TENM2: variants seen among roughly 807,000 people sequenced by gnomAD.
TENM2 encodes teneurin-2.
In TENM2, 52 loss-of-function variants were observed where a neutral mutation model predicts 245.2. That is an observed-to-expected ratio of 0.21 (90% CI 0.17 to 0.27). The LOEUF (loss-of-function observed/expected upper bound fraction) is 0.27, where lower values mean the gene tolerates loss of function less well. TENM2 is among the 10% of genes least tolerant of loss of function. TENM2 has a pLI of 1.00. For missense variants in TENM2, 3,046 were observed against 3,666.8 expected, an observed-to-expected ratio of 0.83 and a Z score of 4.37; for synonymous variants, 1,363 against 1,438.9, an observed-to-expected ratio of 0.95 and a Z score of 1.19.
At chr5:168,013,545 A>G (rs1409250373) in intron 5 of TENM2, among the ~76,000 whole-genome samples, 1 of 152,214 alleles carries the variant, frequency 6.6e-6, no homozygotes, top group Non-Finnish European at 1.5e-5. Flanking sequence ...CAGAGACTGC[A>G]GTGAGCCGAG....
rs879494722 is a variant in TENM2 at position 168,238,304 on chromosome 5, A to AAAAGAAAAGAAAAG, written c.5521-6115_5521-6114insAAGAAAAGAAAAGA. ...GAAAAGAAAAGAAAAGAAAAGAAAA[A>AAAAGAAAAGAAAAG]ATCCCAGAAGACTGACCCGGAAAGA... On this transcript the variant is annotated intron_variant, in intron 25 of 28. Transcript: ENST00000518659. Among the ~76,000 whole-genome samples the AAAAGAAAAGAAAAG allele has an allele frequency of 1.9e-3, 205 of 107,398 alleles. 5 individuals carry two copies. Among genetic ancestry groups the AAAAGAAAAGAAAAG allele is most frequent in the Middle Eastern group, 4.7e-3 (1 of 212 alleles). 70.5% of individuals were successfully genotyped at this position (107,398 alleles called of 152,430 possible).
chr5:167,638,061 G>A lies in TENM2; in HGVS notation c.503-237925G>A, dbSNP rs371466047. ...CAAAGGCCAGATTATAAAGTTCTAT[G>A]GTTTGGACTATAAAGACAGAACAGG... is the stretch of plus-strand genomic sequence containing the variant. On this transcript the variant is annotated intron_variant, in intron 2 of 28. Transcript: ENST00000518659. Among the ~76,000 whole-genome samples the A allele has an allele frequency of 5.3e-5, 8 of 150,002 alleles. No individual in the cohort carries two copies. The South Asian group carries it at 6.3e-4, about 12-fold the overall frequency.
At chr5:168,208,200 T>A (rs1482583593) in intron 19 of TENM2, among the ~76,000 whole-genome samples, 1 of 152,216 alleles carries the variant, frequency 6.6e-6, no homozygotes, top group Non-Finnish European at 1.5e-5. Flanking sequence ...GGACGGTATC[T>A]CTCTCCCTTT....
At chr5:167,101,869 A>ATATATATG in the TENM2 span, among the ~76,000 whole-genome samples, 1 of 125,754 alleles carries the variant, frequency 8.0e-6, no homozygotes, top group East Asian at 2.3e-4. Context: ...ATATATATAT[A>ATATATATG]TATATATGCA....
chr5:168,147,221 A>G (rs1311077679), intron 12 of TENM2, among the ~76,000 whole-genome samples: 1 of 152,252 alleles, frequency 6.6e-6, no homozygotes, highest in African/African-American at 2.4e-5. Context: ...CCATGACTAG[A>G]TTAAGGCGTA....
At chr5:167,924,631 C>T (rs1777611792) in intron 3 of TENM2, among the ~76,000 whole-genome samples, 1 of 152,204 alleles carries the variant, frequency 6.6e-6, no homozygotes, top group South Asian at 2.1e-4. Flanking sequence ...TATTTCCCAG[C>T]ACCCTTTGTC....
chr5:167,758,635 A>G (rs1042884965), intron 2 of TENM2, among the ~76,000 whole-genome samples: 1 of 151,980 alleles, frequency 6.6e-6, no homozygotes, highest in Admixed American at 6.6e-5. Flanking sequence ...AGATCATTGC[A>G]TGTTAGCTTT....
At chr5:168,189,478 G>A (rs1378060315) in intron 13 of TENM2, among the ~76,000 whole-genome samples, 1 of 152,194 alleles carries the variant, frequency 6.6e-6, no homozygotes, top group Non-Finnish European at 1.5e-5. Context: ...AATCAGCCCA[G>A]GTAAAGGGAT....
At chr5:167,151,306 C>A in the TENM2 span, among the ~76,000 whole-genome samples, 2 of 151,946 alleles carry the variant, frequency 1.3e-5, no homozygotes, top group Non-Finnish European at 2.9e-5. Flanking sequence ...AGCAAGGTGC[C>A]CATTGAGTAC....
At chr5:167,546,407 G>A (rs1444964105) in intron 2 of TENM2, among the ~76,000 whole-genome samples, 1 of 152,178 alleles carries the variant, frequency 6.6e-6, no homozygotes, top group African/African-American at 2.4e-5. Context: ...ACCTTAGACT[G>A]TGAACTTTAT....
chr5:167,608,417 A>C (rs1423134187), intron 2 of TENM2, among the ~76,000 whole-genome samples: 3 of 152,184 alleles, frequency 2.0e-5, no homozygotes, highest in Non-Finnish European at 4.4e-5. Context: ...ATAAACATGA[A>C]AATTTCGTTG....
chr5:167,524,841 G>T (rs1281375308), intron 2 of TENM2, among the ~76,000 whole-genome samples: 1 of 150,842 alleles, frequency 6.6e-6, no homozygotes, highest in Admixed American at 6.7e-5. Flanking sequence ...ATTTTTACAC[G>T]CTCACAAATG....
At chr5:167,208,922 C>T in the TENM2 span, among the ~76,000 whole-genome samples, 1 of 152,188 alleles carries the variant, frequency 6.6e-6, no homozygotes, top group South Asian at 2.1e-4. Flanking sequence ...AACATAGTTA[C>T]TCAGTGGAGA....
chr5:167,423,277 C>A (rs1339582311), intron 2 of TENM2, among the ~76,000 whole-genome samples: 1 of 152,152 alleles, frequency 6.6e-6, no homozygotes, highest in African/African-American at 2.4e-5. Context: ...GACAGATTAA[C>A]TGCTAATCAG....
At chr5:167,313,317 A>G (rs1040216910) in intron 1 of TENM2, among the ~76,000 whole-genome samples, 1 of 152,160 alleles carries the variant, frequency 6.6e-6, no homozygotes, top group East Asian at 1.9e-4. Context: ...ATATTGGAAG[A>G]AAACGAATTG....
intron 5 of TENM2, among the ~76,000 whole-genome samples, chr5:167,996,636 T>G (rs1184229213): frequency 6.6e-6 from 1 of 152,230 alleles, no homozygotes; most frequent in African/African-American, 2.4e-5. Context: ...AGATGTATTG[T>G]GTTATCTTGA....
At position 168,195,255 on chromosome 5, in the gene TENM2, T is replaced by A. The variant is rs1400333615; in HGVS notation, c.2860T>A (p.Tyr954Asn). The change falls in exon 15 of 29, where the codon TAC becomes AAC. Residue 954 changes from tyrosine (Y) to asparagine (N), a missense_variant. Tyr to Asn is a moderately radical substitution (Grantham distance 143, BLOSUM62 -2). This residue lies in a region of TENM2 where 2,704 missense variants were observed against 3,331.9 expected (regional missense o/e 0.81). Coordinates refer to ENST00000518659, the Ensembl canonical transcript of TENM2. ...CGGTGTGAACGTGTCTTTTGTCAAG[T>A]ACCCAAAATACGGCTACACCATCAC... 1.2e-6 allele frequency: 2 copies of A among 1,604,666 alleles called. No individual in the cohort carries two copies. The highest frequency in any genetic ancestry group is 3.4e-5 in the Admixed American group (2 of 59,150).
chr5:167,500,066 G>GTGTA (rs1769103616), intron 2 of TENM2, among the ~76,000 whole-genome samples: 1 of 151,154 alleles, frequency 6.6e-6, no homozygotes, highest in Non-Finnish European at 1.5e-5. Flanking sequence ...ATGAGGGTGT[G>GTGTA]TGTGTGTGTG....
intron 2 of TENM2, among the ~76,000 whole-genome samples, chr5:167,440,563 C>T (rs1039222553): frequency 1.3e-5 from 2 of 152,046 alleles, no homozygotes; most frequent in African/African-American, 4.8e-5. Context: ...AGCATGAAAA[C>T]AAAGAAGAAA....
Sources: gnomAD v4.1 joint callset for allele counts (sites outside exome capture counted in the v4.1 genomes callset) on GRCh38, gnomAD v4.1.1 for gene constraint, gnomAD v4.1.1 regional missense constraint, MANE v1.5 for transcripts, NCBI Gene and HGNC (gene_info 2026-07-23, HGNC 2026-07-21) for gene names.